Variants in PTPRN2 observed in about 807,000 individuals in gnomAD.
PTPRN2 encodes protein tyrosine phosphatase receptor type N2.
In PTPRN2, 74 loss-of-function variants were observed where a neutral mutation model predicts 118.8. The ratio of observed to expected loss-of-function variants is 0.62; its 90% CI spans 0.52 to 0.76. The LOEUF (loss-of-function observed/expected upper bound fraction) is 0.76. PTPRN2 is among the 30% of genes least tolerant of loss of function. The probability of loss-of-function intolerance (pLI) is 0.00; values close to 1 mark genes in which losing one functional copy is unlikely to be tolerated. For missense variants in PTPRN2, 1,481 were observed against 1,394.4 expected (o/e 1.06, Z -0.99); for synonymous variants, 641 against 608.0 (o/e 1.05, Z -0.80).
chr7:157,895,703 C>T (rs376528926), intron 12 of PTPRN2, among the ~76,000 whole-genome samples: 6 of 150,974 alleles, frequency 4.0e-5, no homozygotes, highest in South Asian at 2.1e-4. Context: ...GGTGAAGGCG[C>T]GACAGAGGGT....
At chr7:158,160,816 A>G (rs1254547248) in intron 6 of PTPRN2, among the ~76,000 whole-genome samples, 2 of 152,196 alleles carry the variant, frequency 1.3e-5, no homozygotes, top group South Asian at 4.1e-4. Flanking sequence ...TGTCGTCAAG[A>G]TATCTGAGGG....
At chr7:157,788,573 G>A (rs562309924) in intron 12 of PTPRN2, among the ~76,000 whole-genome samples, 4 of 152,222 alleles carry the variant, frequency 2.6e-5, no homozygotes, top group Admixed American at 1.3e-4. Context: ...CCTCTTAGTC[G>A]TCACCCCTAG....
intron 2 of PTPRN2, among the ~76,000 whole-genome samples, chr7:158,475,045 G>A (rs915448143): frequency 1.3e-5 from 2 of 152,296 alleles, no homozygotes; most frequent in Admixed American, 6.5e-5. Context: ...GAGGGAGGAA[G>A]GTGATCATAA....
intron 14 of PTPRN2, among the ~76,000 whole-genome samples, chr7:157,646,748 A>G (rs1042866580): frequency 1.3e-5 from 2 of 152,148 alleles, no homozygotes; most frequent in African/African-American, 2.4e-5. Context: ...AGGCTCTAGA[A>G]CGTCCCCTCA....
At chr7:158,536,880 C>A (rs772751199) in intron 1 of PTPRN2, among the ~76,000 whole-genome samples, 6 of 152,206 alleles carry the variant, frequency 3.9e-5, no homozygotes, top group Non-Finnish European at 5.9e-5. Flanking sequence ...AGGAAAACAA[C>A]TGAGCAAACA....
At chr7:157,952,458 A>AGACGGG (rs1246680617) in intron 11 of PTPRN2, among the ~76,000 whole-genome samples, 1 of 109,102 alleles carries the variant, frequency 9.2e-6, no homozygotes, top group Non-Finnish European at 2.2e-5. Context: ...TGCATGCCTG[A>AGACGGG]GACGGGGTGG....
At chr7:157,592,589 G>A (rs539869091) in intron 17 of PTPRN2, among the ~76,000 whole-genome samples, 4 of 150,310 alleles carry the variant, frequency 2.7e-5, no homozygotes, top group Non-Finnish European at 5.9e-5. Context: ...GCTGAACCAA[G>A]GGTGGATGTG....
At chr7:158,202,383 G>A (rs549801523) in intron 4 of PTPRN2, among the ~76,000 whole-genome samples, 2 of 152,104 alleles carry the variant, frequency 1.3e-5, no homozygotes, top group Non-Finnish European at 2.9e-5. Context: ...GGAAGGCACC[G>A]GCAGGACTGG....
chr7:157,695,112 G>C (rs549864265), intron 12 of PTPRN2, among the ~76,000 whole-genome samples: 2 of 152,074 alleles, frequency 1.3e-5, no homozygotes, highest in South Asian at 4.2e-4. Flanking sequence ...TCTGTGATAA[G>C]AATCTCATTT....
chr7:158,310,428 T>C (rs1466292099), intron 3 of PTPRN2, among the ~76,000 whole-genome samples: 1 of 152,234 alleles, frequency 6.6e-6, no homozygotes. Flanking sequence ...GAGAAGAGGC[T>C]GTGCTCCTCG....
chr7:158,111,110 G>C (rs901428690), intron 9 of PTPRN2, among the ~76,000 whole-genome samples, 195 bp from the exon 10 acceptor site: 1 of 152,210 alleles, frequency 6.6e-6, no homozygotes, highest in Non-Finnish European at 1.5e-5. Context: ...CAGTGCGGAC[G>C]GGGCTGTGGG....
At position 158,237,844 on chromosome 7, in the gene PTPRN2, G is replaced by A. The variant is rs114008727; in HGVS notation, c.278-32571C>T. Among the ~76,000 whole-genome samples the A allele has an allele frequency of 1.4e-3, 213 of 152,084 alleles. 3 individuals carry two copies. In the South Asian group the frequency reaches 0.03, roughly 21 times the overall value. ...CTCCCCCTCTTTCTGAACACCCCCC[G>A]GCAGACACAGCGCTTACATGGGAGT... On this transcript the variant is annotated intron_variant, in intron 3 of 22. Coordinates refer to ENST00000389418, the MANE Select transcript of PTPRN2 (RefSeq NM_002847.5).
intron 11 of PTPRN2, among the ~76,000 whole-genome samples, chr7:158,080,952 C>T (rs1374872149): frequency 6.6e-6 from 1 of 152,204 alleles, no homozygotes; most frequent in East Asian, 1.9e-4. Flanking sequence ...GGGATTACTA[C>T]AAACACCAAA....
intron 3 of PTPRN2, among the ~76,000 whole-genome samples, chr7:158,309,161 T>C (rs543641637): frequency 1.7e-5 from 2 of 117,206 alleles, no homozygotes; most frequent in African/African-American, 6.2e-5. Flanking sequence ...CCTGATGGGA[T>C]TGAAGGATGC....
chr7:158,404,861 AGCCCCCAGCTCCCTG>A (rs1813268634), intron 2 of PTPRN2, among the ~76,000 whole-genome samples: 1 of 23,386 alleles, frequency 4.3e-5, no homozygotes, highest in Non-Finnish European at 7.8e-5. Context: ...CCAGCTCCCC[AGCCCCCAGCTCCCTG>A]GCCTCCAGCT....
intron 3 of PTPRN2, among the ~76,000 whole-genome samples, chr7:158,299,367 G>A (rs969236274): frequency 6.7e-6 from 1 of 149,648 alleles, no homozygotes; most frequent in Non-Finnish European, 1.5e-5. Context: ...GCATGGTCTT[G>A]GCTCACTGCA....
chr7:157,569,105 A>G (rs1585044172), intron 20 of PTPRN2, 139 bp from the exon 21 acceptor site: 2 of 835,578 alleles, frequency 2.4e-6, no homozygotes, highest in African/African-American at 3.3e-5. Flanking sequence ...GAGGGGGAGG[A>G]AGGACGCGGG....
intron 10 of PTPRN2, among the ~76,000 whole-genome samples, chr7:158,096,038 GT>G (rs1304487768): frequency 6.6e-6 from 1 of 152,200 alleles, no homozygotes; most frequent in Non-Finnish European, 1.5e-5. Flanking sequence ...AAAAGAATGG[GT>G]TCTTCTTGCC....
At chr7:158,188,307 T>G (rs878950544) in intron 5 of PTPRN2, among the ~76,000 whole-genome samples, 115 of 24,048 alleles carry the variant, frequency 4.8e-3, no homozygotes, top group Admixed American at 5.4e-3. Context: ...GCCCCCTGTA[T>G]GGGGAAGGCC....
Sources: allele counts gnomAD v4.1 joint callset (sites outside exome capture counted in the v4.1 genomes callset), GRCh38; gene constraint gnomAD v4.1.1; transcripts MANE v1.5; gene names NCBI Gene and HGNC (gene_info 2026-07-23, HGNC 2026-07-21).